Variants in PHC2 observed in about 807,000 individuals in gnomAD.
PHC2 encodes polyhomeotic homolog 2, also known as polyhomeotic-like protein 2.
PHC2 carries 29 observed loss-of-function variants against 87.4 expected under a neutral mutation model. That is an observed-to-expected ratio of 0.33 (90% CI 0.25 to 0.45). The LOEUF is 0.45. Among genes scored for constraint, PHC2 ranks in the 20% least tolerant of loss-of-function variants. PHC2 has a pLI of 1.00. For synonymous variants in PHC2, 438 were observed against 461.7 expected, an observed-to-expected ratio of 0.95 and a Z score of 0.66; for missense variants, 857 against 1,136.7, an observed-to-expected ratio of 0.75 and a Z score of 3.54.
At chr1:33,390,203 C>T (rs1648979587) in intron 1 of PHC2, among the ~76,000 whole-genome samples, 2 of 152,130 alleles carry the variant, frequency 1.3e-5, no homozygotes, top group South Asian at 4.1e-4. Context: ...GCTCTTTTAA[C>T]CATGGTAGCA....
rs1276306678 is a variant in PHC2 at position 33,364,422 on chromosome 1, A to ACACACG, written c.976+2693_976+2694insCGTGTG. ...CACACACACACACACACACACACAC[A>ACACACG]CACGCTCAAGCACGCTCTTCTCTCC... On this transcript the variant is annotated intron_variant, in intron 7 of 14. Transcript: ENST00000683057. The surrounding 1 kb of genome is among the most constrained non-coding windows in gnomAD (Gnocchi z 4.1). Among the ~76,000 whole-genome samples, 136 of 149,740 alleles carry ACACACG rather than the reference A, an allele frequency of 9.1e-4. No homozygotes were observed. The highest frequency in any genetic ancestry group is 2.8e-3 in the Admixed American group (42 of 15,046).
intron 3 of PHC2, among the ~76,000 whole-genome samples, 153 bp from the exon 4 acceptor site, chr1:33,371,247 G>A (rs1647814216): frequency 6.6e-6 from 1 of 152,190 alleles, no homozygotes; most frequent in Admixed American, 6.5e-5. Flanking sequence ...CCCACAGCAA[G>A]TATCCCGCCT....
intron 1 of PHC2, among the ~76,000 whole-genome samples, chr1:33,398,113 C>T (rs916749876): frequency 1.3e-5 from 2 of 152,194 alleles, no homozygotes; most frequent in Admixed American, 1.3e-4. Flanking sequence ...CTTTTTGCTT[C>T]TCTTTCCTCC....
intron 9 of PHC2, among the ~76,000 whole-genome samples, chr1:33,351,144 T>A (rs953739234): frequency 4.6e-5 from 7 of 152,210 alleles, no homozygotes; most frequent in Admixed American, 3.9e-4. Flanking sequence ...CAACAACTCA[T>A]CTCTGCTGTT....
rs1647707877 is a variant in PHC2, at chr1:33,369,766, G to A, written c.576+655C>T. 6.6e-6 allele frequency among the ~76,000 whole-genome samples: 1 copy of A among 152,172 alleles called. No homozygotes were observed. The highest frequency in any genetic ancestry group is 1.5e-5 in the Non-Finnish European group (1 of 68,020). On this transcript the variant is annotated intron_variant, in intron 5 of 14. Coordinates refer to ENST00000683057, the MANE Select transcript of PHC2 (RefSeq NM_001385109.1). The surrounding 1 kb of genome is among the most constrained non-coding windows in gnomAD (Gnocchi z 4.7). ...CCACAGTGACTGAGCCCTAGCTGGG[G>A]CTGCATGCTACTGCCACCCAGGGAG...
intron 9 of PHC2, among the ~76,000 whole-genome samples, chr1:33,339,121 G>A (rs1399501595): frequency 6.6e-6 from 1 of 152,156 alleles, no homozygotes; most frequent in Non-Finnish European, 1.5e-5. Context: ...TTTGGGACTG[G>A]TCACGTCTCC....
intron 9 of PHC2, among the ~76,000 whole-genome samples, chr1:33,335,998 T>TGTTG (rs35270760): frequency 0.01 from 1,552 of 148,114 alleles, 17 homozygotes; most frequent in African/African-American, 0.035. Flanking sequence ...TTGTTGTTGT[T>TGTTG]TTTTTTTTTA....
At chr1:33,343,098 A>G (rs149021722) in intron 9 of PHC2, among the ~76,000 whole-genome samples, 2 of 152,280 alleles carry the variant, frequency 1.3e-5, no homozygotes, top group East Asian at 3.9e-4. Flanking sequence ...TAAATATTAT[A>G]TATGTAAAAT....
intron 1 of PHC2, among the ~76,000 whole-genome samples, chr1:33,387,672 G>C (rs1648833762): frequency 6.6e-6 from 1 of 152,178 alleles, no homozygotes; most frequent in South Asian, 2.1e-4. Context: ...TAACTTATCG[G>C]AGCCCCAGAG....
intron 1 of PHC2, among the ~76,000 whole-genome samples, chr1:33,399,550 T>G (rs1045043246): frequency 6.6e-5 from 10 of 152,194 alleles, no homozygotes; most frequent in Non-Finnish European, 1.2e-4. Context: ...GTGCCTAGAA[T>G]AGAAGGAGCC....
chr1:33,417,520 A>G (rs1401859354), intron 1 of PHC2, among the ~76,000 whole-genome samples: 1 of 112,032 alleles, frequency 8.9e-6, no homozygotes, highest in Non-Finnish European at 2.3e-5. Context: ...AGGAAGGAAT[A>G]TTGCCAGAAA....
At position 33,364,382 on chromosome 1, in the gene PHC2, ACTT is replaced by A. The variant is rs1647314320; in HGVS notation, c.976+2731_976+2733del. On this transcript the variant is annotated intron_variant, in intron 7 of 14. Coordinates refer to ENST00000683057, the MANE Select transcript of PHC2 (RefSeq NM_001385109.1). The surrounding 1 kb of genome is among the most constrained non-coding windows in gnomAD (Gnocchi z 4.1). ...CAGACACACACACACACACACACAC[ACTT>A]GCTTTCACACACACACACACACACA... Among the ~76,000 whole-genome samples, 1 of 125,848 alleles carries A rather than the reference ACTT, an allele frequency of 7.9e-6. No individual in the cohort carries two copies. The highest frequency in any genetic ancestry group is 8.1e-5 in the Admixed American group (1 of 12,370). The allele number at this position is 125,848 out of a possible 152,430, so 82.6% of individuals were successfully genotyped here.
At chr1:33,358,853 C>G (rs1434921464) in intron 7 of PHC2, 2 of 152,252 alleles carry the variant, frequency 1.3e-5, no homozygotes, top group East Asian at 3.8e-4. Context: ...ATTCTCTGGT[C>G]TTTACAGCTG....
At chr1:33,379,293 G>GC (rs1648342015) in intron 1 of PHC2, among the ~76,000 whole-genome samples, 1 of 20,704 alleles carries the variant, frequency 4.8e-5, no homozygotes, top group African/African-American at 1.9e-4. Flanking sequence ...CCCGCCCACC[G>GC]CCCCCCTGCC....
In PHC2 at chr1:33,371,005, C is replaced by G. The variant is rs772122375; in HGVS notation, c.411+12G>C. 2 of 1,611,488 alleles carry G rather than the reference C, an allele frequency of 1.2e-6. No homozygotes were observed. Among genetic ancestry groups the G allele is most frequent in the Non-Finnish European group, 8.5e-7 (1 of 1,177,654 alleles). ...GCTGTGGACTCTGCTGCTGCTCCCC[C>G]ATTCTACTCACCGAAGATGACTGGG... On this transcript the variant is annotated intron_variant, in intron 4 of 14. Coordinates refer to ENST00000683057, the MANE Select transcript of PHC2 (RefSeq NM_001385109.1).
At chr1:33,357,133 T>C (rs1647105189) in intron 7 of PHC2, among the ~76,000 whole-genome samples, 1 of 152,190 alleles carries the variant, frequency 6.6e-6, no homozygotes, top group Non-Finnish European at 1.5e-5. Flanking sequence ...CCACAGAGAC[T>C]TCCACGGCTG....
chr1:33,386,376 C>T (rs1349903440), intron 1 of PHC2, among the ~76,000 whole-genome samples: 1 of 151,566 alleles, frequency 6.6e-6, no homozygotes, highest in African/African-American at 2.4e-5. Flanking sequence ...ATTAGCCGGC[C>T]GTGGTAGTGG....
intron 9 of PHC2, among the ~76,000 whole-genome samples, chr1:33,336,042 G>A (rs1372995898): frequency 2.6e-5 from 4 of 151,142 alleles, no homozygotes; most frequent in African/African-American, 7.3e-5. Context: ...AGGCTGGAAC[G>A]CAGTGGTGCG....
intron 2 of PHC2, among the ~76,000 whole-genome samples, chr1:33,374,798 T>G (rs923216162): frequency 3.3e-5 from 5 of 152,184 alleles, no homozygotes; most frequent in African/African-American, 1.2e-4. Flanking sequence ...GAGCCCCAGT[T>G]TTCTCAACTA....
Sources: allele counts gnomAD v4.1 joint callset (sites outside exome capture counted in the v4.1 genomes callset), GRCh38; gene constraint gnomAD v4.1.1; non-coding constraint Gnocchi (gnomAD v3.1); transcripts MANE v1.5; gene names NCBI Gene and HGNC (gene_info 2026-07-23, HGNC 2026-07-21).